The following L3MBTL3 variants were observed in gnomAD, a reference collection of about 807,000 sequenced individuals.
L3MBTL3 encodes L3MBTL histone methyl-lysine binding protein 3.
L3MBTL3 carries 27 observed loss-of-function variants against 102.3 expected under a neutral mutation model. That is an observed-to-expected ratio of 0.26 (90% CI 0.19 to 0.36). The LOEUF (loss-of-function observed/expected upper bound fraction) is 0.36. Ranked by LOEUF, L3MBTL3 falls within the 10% of genes least tolerant of loss-of-function variation. The pLI, the probability that L3MBTL3 is intolerant of heterozygous loss-of-function variation, is 1.00. For missense variants in L3MBTL3, 798 were observed against 955.3 expected (o/e 0.84, Z 2.17); for synonymous variants, 340 against 320.9 (o/e 1.06, Z -0.64).
intron 3 of L3MBTL3, among the ~76,000 whole-genome samples, chr6:130,045,715 C>G (rs950139438): frequency 6.6e-6 from 1 of 152,084 alleles, no homozygotes; most frequent in African/African-American, 2.4e-5. Flanking sequence ...TTTATTTCAG[C>G]TGGAGGGATC....
intron 20 of L3MBTL3, among the ~76,000 whole-genome samples, chr6:130,127,904 A>G (rs537742626): frequency 2.8e-4 from 42 of 152,334 alleles, no homozygotes; most frequent in African/African-American, 1.0e-3. Context: ...TAGCAAATAC[A>G]GGGAAGCAAA....
chr6:130,093,831 A>G (rs976517117), intron 17 of L3MBTL3, among the ~76,000 whole-genome samples: 1 of 152,220 alleles, frequency 6.6e-6, no homozygotes, highest in African/African-American at 2.4e-5. Flanking sequence ...GCAATGTAGA[A>G]AGAAGAGCAT....
At chr6:130,073,541 A>C (rs148110659) in intron 13 of L3MBTL3, among the ~76,000 whole-genome samples, 1 of 152,212 alleles carries the variant, frequency 6.6e-6, no homozygotes, top group Non-Finnish European at 1.5e-5. Flanking sequence ...ATTTGAACAA[A>C]ATAGGTGAAT....
chr6:130,083,706 G>C lies in L3MBTL3; in HGVS notation c.1407+1G>C, dbSNP rs1783503433. ...TGCTCCTGCAAGAGCTTTCAAAGTG[G>C]TAAGATGATACATTTTATTAATTTG... On this transcript the variant is annotated splice_donor_variant, in intron 15 of 22. Coordinates refer to ENST00000361794, the MANE Select transcript of L3MBTL3 (RefSeq NM_032438.4). LOFTEE classifies it high-confidence loss of function. 1 of 1,470,998 alleles carries C rather than the reference G, an allele frequency of 6.8e-7. No homozygotes were observed. The highest frequency in any genetic ancestry group is 1.4e-5 in the African/African-American group (1 of 69,378). The allele number at this position is 1,470,998 out of a possible 1,614,324, so 91.1% of individuals were successfully genotyped here. A position where few individuals can be genotyped will look rare whatever the true frequency, so the allele number is the denominator to read the frequency against.
rs972786462 is a variant in L3MBTL3, at chr6:130,133,179, A to G, written c.1967-273A>G. Among the ~76,000 whole-genome samples the G allele has an allele frequency of 3.3e-5, 5 of 152,232 alleles. No homozygotes were observed. Among genetic ancestry groups the G allele is most frequent in the African/African-American group, 7.2e-5 (3 of 41,466 alleles). On this transcript the variant is annotated intron_variant, in intron 20 of 22. Transcript: ENST00000361794. The surrounding 1 kb of genome is among the most constrained non-coding windows in gnomAD (Gnocchi z 4.9). ...ATTAAAACTTTGAGGCACGTTTCTT[A>G]TCTGAAGCATTAAAGAGACAACGTT...
intron 20 of L3MBTL3, among the ~76,000 whole-genome samples, chr6:130,127,566 G>A (rs1257501382): frequency 5.9e-5 from 9 of 152,124 alleles, no homozygotes; most frequent in Admixed American, 5.9e-4. Flanking sequence ...AACAATAGAG[G>A]CAGGCCTTTA....
At chr6:130,093,426 T>C (rs1170461770) in intron 17 of L3MBTL3, among the ~76,000 whole-genome samples, 3 of 152,188 alleles carry the variant, frequency 2.0e-5, no homozygotes, top group Admixed American at 6.5e-5. Context: ...TAAATTATTA[T>C]CAAGTTTTTA....
intron 16 of L3MBTL3, among the ~76,000 whole-genome samples, chr6:130,089,642 A>T (rs1167418120): frequency 6.6e-6 from 1 of 152,144 alleles, no homozygotes; most frequent in Non-Finnish European, 1.5e-5. Context: ...GAATCGCCAC[A>T]CTGTCTTCCA....
Position 130,133,397 on chromosome 6 carries a change from T to C in L3MBTL3, c.1967-55T>C. 6.4e-7 allele frequency: 1 copy of C among 1,573,978 alleles called. No homozygotes were observed. The highest frequency in any genetic ancestry group is 8.7e-7 in the Non-Finnish European group (1 of 1,148,536). The stretch of plus-strand genomic sequence containing the variant: ...CGTTATCTGGGAGATGCACGGCATT[T>C]GGGGCTTTCTTGCTGCTTTCAGAGA... On this transcript the variant is annotated intron_variant, in intron 20 of 22. Coordinates refer to ENST00000361794, the MANE Select transcript of L3MBTL3 (RefSeq NM_032438.4). The surrounding 1 kb of genome is among the most constrained non-coding windows in gnomAD (Gnocchi z 4.9).
intron 19 of L3MBTL3, among the ~76,000 whole-genome samples, chr6:130,109,190 A>T (rs1347714878): frequency 1.3e-5 from 2 of 152,214 alleles, no homozygotes; most frequent in African/African-American, 4.8e-5. Flanking sequence ...TCTTTATAGT[A>T]GCATGATTTA....
At chr6:130,059,484 A>G (rs993703234) in intron 9 of L3MBTL3, among the ~76,000 whole-genome samples, 2 of 152,234 alleles carry the variant, frequency 1.3e-5, no homozygotes, top group African/African-American at 4.8e-5. Context: ...ACATACATGC[A>G]TGTATACTTT....
intron 19 of L3MBTL3, among the ~76,000 whole-genome samples, chr6:130,107,192 T>A (rs780804172): frequency 6.7e-5 from 8 of 119,408 alleles, no homozygotes; most frequent in Non-Finnish European, 1.2e-4. Flanking sequence ...TGTAGAGGTG[T>A]TCATAGGTTG....
At chr6:130,036,230 C>A (rs1289564862) in intron 2 of L3MBTL3, among the ~76,000 whole-genome samples, 1 of 152,152 alleles carries the variant, frequency 6.6e-6, no homozygotes, top group Non-Finnish European at 1.5e-5. Flanking sequence ...AGCAGCTTTT[C>A]TTAAAATAAT....
chr6:130,097,347 T>C lies in L3MBTL3; in HGVS notation c.1736+2980T>C, dbSNP rs9483084. 7.6e-3 allele frequency among the ~76,000 whole-genome samples: 1,158 copies of C among 152,338 alleles called. 14 individuals carry two copies. Among genetic ancestry groups the C allele is most frequent in the African/African-American group, 0.025 (1,039 of 41,574 alleles). ...GGATTAATTACTGAGAAACTGCATG[T>C]ATCAAAACATGCACTCTTTGCATAG... On this transcript the variant is annotated intron_variant, in intron 18 of 22. Transcript: ENST00000361794.
chr6:130,046,686 T>G (rs553270016), intron 3 of L3MBTL3, among the ~76,000 whole-genome samples: 105 of 149,060 alleles, frequency 7.0e-4, no homozygotes, highest in Non-Finnish European at 1.3e-3. Flanking sequence ...TTGACTTTCT[T>G]GGTTGTAGAG....
At chr6:130,058,590 A>G (rs1408976574) in intron 9 of L3MBTL3, among the ~76,000 whole-genome samples, 1 of 152,210 alleles carries the variant, frequency 6.6e-6, no homozygotes, top group Non-Finnish European at 1.5e-5. Flanking sequence ...CTCTAAACAG[A>G]CAAACAAAAC....
At chr6:130,118,074 G>A (rs1209845870) in intron 19 of L3MBTL3, among the ~76,000 whole-genome samples, 1 of 151,838 alleles carries the variant, frequency 6.6e-6, no homozygotes, top group Non-Finnish European at 1.5e-5. Flanking sequence ...CTTCATTCCT[G>A]ACCTTATCAA....
intron 4 of L3MBTL3, 38 bp from the exon 5 acceptor site, chr6:130,049,718 C>A (rs375612216): frequency 1.3e-5 from 21 of 1,613,078 alleles, no homozygotes; most frequent in Non-Finnish European, 1.6e-5. Flanking sequence ...TTGTAACTAA[C>A]ACCTATATGC....
At chr6:130,056,429 C>T (rs576868323) in intron 8 of L3MBTL3, among the ~76,000 whole-genome samples, 2 of 152,336 alleles carry the variant, frequency 1.3e-5, no homozygotes, top group South Asian at 4.1e-4. Context: ...GCAGCCTGCA[C>T]AGTCAGTCAT....
Sources: allele counts gnomAD v4.1 joint callset (sites outside exome capture counted in the v4.1 genomes callset), GRCh38; gene constraint gnomAD v4.1.1; non-coding constraint Gnocchi (gnomAD v3.1); transcripts MANE v1.5; gene names NCBI Gene and HGNC (gene_info 2026-07-23, HGNC 2026-07-21).